DST: variants seen among roughly 807,000 people sequenced by gnomAD.
DST encodes dystonin.
DST carries 253 observed loss-of-function variants against 875.2 expected under a neutral mutation model. That is an observed-to-expected ratio of 0.29 (90% CI 0.26 to 0.32). DST has a LOEUF of 0.32. Ranked by LOEUF, DST falls within the 10% of genes least tolerant of loss-of-function variation. The pLI, the probability that DST is intolerant of heterozygous loss-of-function variation, is 1.00. For missense variants in DST, 8,287 were observed against 9,111.6 expected (o/e 0.91, Z 3.68); for synonymous variants, 3,124 against 3,197.1 (o/e 0.98, Z 0.77).
In DST at chr6:56,607,103, A is replaced by G; in HGVS notation, c.7525T>C (p.Ser2509Pro). 1 of 1,613,200 alleles carries G rather than the reference A, an allele frequency of 6.2e-7. No individual in the cohort carries two copies. The change falls in exon 40 of 104, where the codon TCT becomes CCT. Residue 2509 changes from serine to proline, a missense_variant. Ser to Pro is a moderately conservative substitution (Grantham distance 74, BLOSUM62 -1). This residue lies in a region of DST where 3,138 missense variants were observed against 3,116.6 expected (regional missense o/e 1.01). Coordinates refer to ENST00000680361, the MANE Select transcript of DST (RefSeq NM_001374736.1). The part of the protein sequence containing the change: ...SLPGEQYGQK[S>P]LNMISSNPQV... ...GGATTACTAGAAATCATATTTAAAG[A>G]TTTCTGTCCATACTGCTCTCCTGGT... is the stretch of plus-strand genomic sequence containing the variant.
intron 47 of DST, among the ~76,000 whole-genome samples, chr6:56,597,476 C>A (rs1446898198): frequency 1.3e-5 from 2 of 152,154 alleles, no homozygotes; most frequent in African/African-American, 4.8e-5. Flanking sequence ...CCCACTTTAA[C>A]TGTCCTATAA....
At chr6:56,479,871 T>C (rs865871076) in intron 90 of DST, among the ~76,000 whole-genome samples, 2 of 152,226 alleles carry the variant, frequency 1.3e-5, no homozygotes, top group African/African-American at 4.8e-5. Context: ...GTCCAGTCCC[T>C]ACTATTACTC....
chr6:56,631,872 A>G lies in DST; in HGVS notation c.3963+11T>C. ...AGTTAGTTTTTTTCCCAACATATTTATAGCTCTCACCTCCTGTTCTGTGAT... is the reference window on the plus strand; with the variant it reads ...AGTTAGTTTTTTTCCCAACATATTTGTAGCTCTCACCTCCTGTTCTGTGAT... On this transcript the variant is annotated intron_variant, in intron 29 of 103. Transcript: ENST00000680361. 3.1e-6 allele frequency: 5 copies of G among 1,613,410 alleles called. No individual in the cohort carries two copies. Among genetic ancestry groups the G allele is most frequent in the Non-Finnish European group, 4.2e-6 (5 of 1,179,466 alleles).
intron 4 of DST, among the ~76,000 whole-genome samples, chr6:56,752,359 A>T (rs2099589927): frequency 6.6e-6 from 1 of 152,154 alleles, no homozygotes. Context: ...AACATAAAAT[A>T]AGTAAATTTT....
chr6:56,659,728 T>C (rs954257140), intron 10 of DST, among the ~76,000 whole-genome samples: 6 of 152,186 alleles, frequency 3.9e-5, no homozygotes, highest in Non-Finnish European at 5.9e-5. Flanking sequence ...GAATAAAGCA[T>C]GCAGTTAAGG....
chr6:56,836,579 G>C (rs925486237), intron 4 of DST, among the ~76,000 whole-genome samples: 1 of 152,176 alleles, frequency 6.6e-6, no homozygotes, highest in Non-Finnish European at 1.5e-5. Context: ...GGCCGGGCGC[G>C]GTGGCTCACG....
chr6:56,847,337 TAAAC>T (rs1441034718), intron 4 of DST, among the ~76,000 whole-genome samples: 1 of 152,116 alleles, frequency 6.6e-6, no homozygotes, highest in African/African-American at 2.4e-5. Flanking sequence ...AATTTTTAAA[TAAAC>T]AAATAAATAA....
At chr6:56,563,231 C>T (rs1584992643) in intron 55 of DST, among the ~76,000 whole-genome samples, 1 of 152,206 alleles carries the variant, frequency 6.6e-6, no homozygotes, top group African/African-American at 2.4e-5. Context: ...TATTTCTCCA[C>T]ATCCTCTCCG....
intron 58 of DST, among the ~76,000 whole-genome samples, chr6:56,558,268 T>A (rs1250441624): frequency 6.6e-6 from 1 of 152,192 alleles, no homozygotes; most frequent in Non-Finnish European, 1.5e-5. Context: ...TACATTGATA[T>A]ATAGTAGATA....
intron 3 of DST, among the ~76,000 whole-genome samples, chr6:56,870,956 TATA>T (rs1776813377): frequency 6.6e-6 from 1 of 151,756 alleles, no homozygotes; most frequent in Admixed American, 6.6e-5. Flanking sequence ...GCAATGAAAA[TATA>T]ATAATATAAA....
At chr6:56,620,429 G>A (rs886441805) in intron 36 of DST, 1 of 1,614,008 alleles carries the variant, frequency 6.2e-7, no homozygotes, top group Non-Finnish European at 8.5e-7. Context: ...TCTCACAATG[G>A]TTTCAAGTTC....
Position 56,938,108 on chromosome 6 carries a change from CTATATATA to C in DST, c.216+15669_216+15676del, listed in dbSNP as rs3031114. ...TCTCTCTCTCTCTCTCTCTCTCTCT[CTATATATA>C]TATATATATATATATGTTTAAAAAA... On this transcript the variant is annotated intron_variant, in intron 2 of 103. Coordinates refer to ENST00000680361, the MANE Select transcript of DST (RefSeq NM_001374736.1). 5.0e-3 allele frequency among the ~76,000 whole-genome samples: 599 copies of C among 120,740 alleles called. 5 individuals carry two copies. Among genetic ancestry groups the C allele is most frequent in the African/African-American group, 0.013 (369 of 28,614 alleles). 79.2% of individuals were successfully genotyped at this position (120,740 alleles called of 152,430 possible). A position where few individuals can be genotyped will look rare whatever the true frequency, so the allele number is the denominator to read the frequency against.
intron 2 of DST, among the ~76,000 whole-genome samples, chr6:56,908,833 C>T (rs968810767): frequency 7.2e-5 from 11 of 152,184 alleles, no homozygotes; most frequent in Non-Finnish European, 1.6e-4. Context: ...CTCCGCCCAC[C>T]GCCATGACAG....
At chr6:56,603,488 A>T (rs993819169) in intron 41 of DST, 68 bp from the exon 42 acceptor site, 2 of 1,591,476 alleles carry the variant, frequency 1.3e-6, no homozygotes, top group Non-Finnish European at 1.7e-6. Context: ...CATGAAACAT[A>T]GAAGTGTTCT....
intron 2 of DST, among the ~76,000 whole-genome samples, chr6:56,938,538 T>C (rs937143976): frequency 1.3e-5 from 2 of 152,136 alleles, no homozygotes; most frequent in African/African-American, 4.8e-5. Flanking sequence ...AGAAAAAGCT[T>C]ACCATGAGTA....
intron 4 of DST, among the ~76,000 whole-genome samples, chr6:56,776,998 C>G (rs1374398343): frequency 6.6e-6 from 1 of 152,162 alleles, no homozygotes; most frequent in Non-Finnish European, 1.5e-5. Context: ...GAATCACACA[C>G]AAATACTGTT....
chr6:56,893,307 T>C (rs1279574731), intron 3 of DST, among the ~76,000 whole-genome samples: 1 of 152,200 alleles, frequency 6.6e-6, no homozygotes, highest in Non-Finnish European at 1.5e-5. Context: ...TCCAATCTCA[T>C]CCAGGTCACT....
At chr6:56,798,616 A>T (rs1381515175) in intron 4 of DST, among the ~76,000 whole-genome samples, 1 of 152,228 alleles carries the variant, frequency 6.6e-6, no homozygotes, top group East Asian at 1.9e-4. Context: ...TCCGTTCTGT[A>T]GCCCATGGAA....
At chr6:56,692,600 T>C in intron 9 of DST, 3 of 1,289,822 alleles carry the variant, frequency 2.3e-6, no homozygotes, top group Non-Finnish European at 3.0e-6. Flanking sequence ...GAGCTTAAGC[T>C]GGCTGCCTTT....
Sources: gnomAD v4.1 joint callset for allele counts (sites outside exome capture counted in the v4.1 genomes callset) on GRCh38, gnomAD v4.1.1 for gene constraint, gnomAD v4.1.1 regional missense constraint, MANE v1.5 for transcripts, NCBI Gene and HGNC (gene_info 2026-07-23, HGNC 2026-07-21) for gene names.